The following F13A1 variants were observed in gnomAD, a reference collection of about 807,000 sequenced individuals.
F13A1 encodes the protein coagulation factor XIII A chain.
A neutral mutation model predicts 80.1 loss-of-function variants in F13A1; 47 were observed. The ratio of observed to expected loss-of-function variants is 0.59; its 90% CI spans 0.46 to 0.75. The LOEUF is 0.75. Ranked by LOEUF, F13A1 falls within the 30% of genes least tolerant of loss-of-function variation. The pLI is 0.00. For synonymous variants in F13A1, 349 were observed against 344.9 expected (o/e 1.01, Z -0.13); for missense variants, 817 against 930.4 (o/e 0.88, Z 1.59).
At chr6:6,157,618 G>T (rs1760498963) in intron 13 of F13A1, among the ~76,000 whole-genome samples, 1 of 152,126 alleles carries the variant, frequency 6.6e-6, no homozygotes, top group South Asian at 2.1e-4. Context: ...GAAGGAATTA[G>T]ATTTCTATGC....
chr6:6,210,348 T>TATATATATATATATATATATATATATATA (rs1420900272), intron 8 of F13A1, among the ~76,000 whole-genome samples: 55 of 134,678 alleles, frequency 4.1e-4, no homozygotes, highest in East Asian at 1.3e-3. Context: ...TATATATATA[T>TATATATATATATATATATATATATATATA]TTCTTTTTTT....
At chr6:6,153,725 G>T (rs1760423934) in intron 13 of F13A1, among the ~76,000 whole-genome samples, 1 of 152,084 alleles carries the variant, frequency 6.6e-6, no homozygotes, top group African/African-American at 2.4e-5. Context: ...TCTGGTAATG[G>T]GTGGATCCTG....
chr6:6,238,701 T>G (rs1757445902), intron 6 of F13A1, among the ~76,000 whole-genome samples: 2 of 139,160 alleles, frequency 1.4e-5, no homozygotes, highest in South Asian at 4.5e-4. Context: ...ATCAGTAGAC[T>G]TGAAAACATG....
chr6:6,182,692 G>C (rs1761011122), intron 10 of F13A1, among the ~76,000 whole-genome samples: 1 of 152,202 alleles, frequency 6.6e-6, no homozygotes, highest in South Asian at 2.1e-4. Flanking sequence ...ACAGTGAACA[G>C]AAACACTGCT....
chr6:6,257,607 C>T (rs1757719879), intron 4 of F13A1, among the ~76,000 whole-genome samples: 1 of 152,126 alleles, frequency 6.6e-6, no homozygotes, highest in Non-Finnish European at 1.5e-5. Context: ...GACCCTTGAG[C>T]CTAGACCAGA....
At chr6:6,195,709 A>G (rs531703955) in intron 10 of F13A1, 88 bp downstream of exon 10, 2 of 1,231,142 alleles carry the variant, frequency 1.6e-6, no homozygotes, top group East Asian at 2.5e-5. Context: ...GTACCTGGAA[A>G]ACTTAGAAAC....
At position 6,270,145 on chromosome 6, in the gene F13A1, C is replaced by T. The variant is rs145389223; in HGVS notation, c.320-3336G>A. Among the ~76,000 whole-genome samples the T allele has an allele frequency of 9.8e-5, 15 of 152,322 alleles. No individual in the cohort carries two copies. In the South Asian group the frequency reaches 1.0e-3, roughly 11 times the overall value. On this transcript the variant is annotated intron_variant, in intron 3 of 14. Transcript: ENST00000264870. ...GTGACAGAGTCCCTATGGTCTGCAA[C>T]GCCTAACACAGTAGCTGGCCCTTAC...
intron 4 of F13A1, among the ~76,000 whole-genome samples, chr6:6,264,536 A>G (rs954790019): frequency 3.9e-5 from 6 of 152,144 alleles, no homozygotes; most frequent in Non-Finnish European, 7.3e-5. Flanking sequence ...TGAAGGCTAG[A>G]TACTATATCC....
intron 14 of F13A1, among the ~76,000 whole-genome samples, chr6:6,151,600 A>T (rs907310213): frequency 6.6e-6 from 1 of 152,216 alleles, no homozygotes; most frequent in African/African-American, 2.4e-5. Context: ...AGCAGTATCT[A>T]CATCGTAGGG....
intron 7 of F13A1, 79 bp downstream of exon 7, chr6:6,224,607 C>T (rs1048993144): frequency 3.1e-5 from 43 of 1,380,548 alleles, no homozygotes; most frequent in African/African-American, 2.9e-5. Context: ...TGCTATGTCT[C>T]TTTGTTAGGT....
chr6:6,316,014 G>T (rs940454658), intron 2 of F13A1, among the ~76,000 whole-genome samples: 55 of 137,250 alleles, frequency 4.0e-4, no homozygotes, highest in Middle Eastern at 4.0e-3. Context: ...AATCTGAAAT[G>T]CAAAAGGTAA....
chr6:6,190,225 G>C (rs180991505), intron 10 of F13A1, among the ~76,000 whole-genome samples: 1 of 152,160 alleles, frequency 6.6e-6, no homozygotes, highest in African/African-American at 2.4e-5. Flanking sequence ...CTCTCAGCTC[G>C]TCAAAGTCGT....
chr6:6,197,147 C>T (rs1189489549), intron 9 of F13A1, 76 bp downstream of exon 9: 2 of 1,425,070 alleles, frequency 1.4e-6, no homozygotes, highest in Non-Finnish European at 9.9e-7. Context: ...GTGGTTCCCA[C>T]ACATCAAATG....
chr6:6,197,220 T>C lies in F13A1; in HGVS notation c.1216+3A>G, dbSNP rs995056888. The C allele has an allele frequency of 6.2e-7, 1 of 1,613,682 alleles. No individual in the cohort carries two copies. The highest frequency in any genetic ancestry group is 8.5e-7 in the Non-Finnish European group (1 of 1,179,726). ...AGTTCCCAGAGGGAGGACACAGTTT[T>C]ACCATCGCTATTTTCCTGGGGGGTG... On this transcript the variant is annotated splice_donor_region_variant and intron_variant, in intron 9 of 14. Transcript: ENST00000264870.
intron 8 of F13A1, among the ~76,000 whole-genome samples, chr6:6,212,007 G>T (rs928732760): frequency 1.3e-4 from 20 of 151,784 alleles, no homozygotes; most frequent in African/African-American, 4.8e-4. Flanking sequence ...ATTATATCCC[G>T]CACCTGGCTC....
chr6:6,229,709 G>A (rs938745966), intron 6 of F13A1, among the ~76,000 whole-genome samples: 1 of 152,190 alleles, frequency 6.6e-6, no homozygotes, highest in Admixed American at 6.5e-5. Context: ...GAGGACCACA[G>A]ACTCTCTGAA....
At chr6:6,170,216 T>C (rs1609584) in intron 12 of F13A1, among the ~76,000 whole-genome samples, 37,820 of 152,106 alleles carry the variant, frequency 0.25, 5,113 homozygotes, top group African/African-American at 0.35. Context: ...AAATGACTTC[T>C]TCTGACTATT....
At chr6:6,203,721 A>C (rs1481748413) in intron 8 of F13A1, among the ~76,000 whole-genome samples, 1 of 152,172 alleles carries the variant, frequency 6.6e-6, no homozygotes, top group Non-Finnish European at 1.5e-5. Flanking sequence ...TCTGATGATA[A>C]GTTGTGTTTT....
intron 3 of F13A1, among the ~76,000 whole-genome samples, chr6:6,282,639 C>T (rs1045617802): frequency 6.6e-6 from 1 of 152,214 alleles, no homozygotes; most frequent in Non-Finnish European, 1.5e-5. Flanking sequence ...CAGGCTTATC[C>T]TCAGCTGCTG....
Sources: gnomAD v4.1 joint callset for allele counts (sites outside exome capture counted in the v4.1 genomes callset) on GRCh38, gnomAD v4.1.1 for gene constraint, MANE v1.5 for transcripts, NCBI Gene and HGNC (gene_info 2026-07-23, HGNC 2026-07-21) for gene names.